NKAIN2: variants seen among roughly 807,000 people sequenced by gnomAD.
NKAIN2 encodes the protein sodium/potassium-transporting ATPase subunit beta-1-interacting protein 2.
In NKAIN2, 14 loss-of-function variants were observed where a neutral mutation model predicts 32.6. The observed-to-expected ratio is 0.43, with a 90% CI of 0.28 to 0.67. The LOEUF (loss-of-function observed/expected upper bound fraction) is 0.67. Among genes scored for constraint, NKAIN2 ranks in the 30% least tolerant of loss-of-function variants. NKAIN2 has a pLI of 0.17. For synonymous variants in NKAIN2, 80 were observed against 87.2 expected, an observed-to-expected ratio of 0.92 and a Z score of 0.46; for missense variants, 198 against 258.3, an observed-to-expected ratio of 0.77 and a Z score of 1.60.
At chr6:124,737,991 A>G (rs1777034319) in intron 4 of NKAIN2, among the ~76,000 whole-genome samples, 1 of 151,932 alleles carries the variant, frequency 6.6e-6, no homozygotes, top group African/African-American at 2.4e-5. Context: ...CTGATGATGC[A>G]ATAGCAAAGG....
At chr6:123,985,339 G>A (rs773999280) in intron 1 of NKAIN2, among the ~76,000 whole-genome samples, 2 of 152,172 alleles carry the variant, frequency 1.3e-5, no homozygotes, top group African/African-American at 4.8e-5. Context: ...GGCAGAGGTT[G>A]CAGTGAGCCA....
intron 1 of NKAIN2, among the ~76,000 whole-genome samples, chr6:124,028,877 A>C (rs62435609): frequency 2.0e-4 from 9 of 44,430 alleles, no homozygotes; most frequent in Non-Finnish European, 4.9e-4. Flanking sequence ...ACATATATGT[A>C]TATATATGTG....
chr6:124,571,150 C>A (rs1781112806), intron 3 of NKAIN2, among the ~76,000 whole-genome samples: 1 of 152,110 alleles, frequency 6.6e-6, no homozygotes, highest in Non-Finnish European at 1.5e-5. Flanking sequence ...ACCCGTACCG[C>A]CATTGTATCT....
chr6:124,817,861 C>G (rs1781234953), intron 5 of NKAIN2, among the ~76,000 whole-genome samples: 1 of 152,138 alleles, frequency 6.6e-6, no homozygotes, highest in Non-Finnish European at 1.5e-5. Context: ...TGGTAAACCA[C>G]ATTTGGCAGG....
At chr6:124,415,386 A>G (rs565347428) in intron 3 of NKAIN2, among the ~76,000 whole-genome samples, 49 of 152,340 alleles carry the variant, frequency 3.2e-4, no homozygotes, top group Non-Finnish European at 6.9e-4. Context: ...AAGGATACAG[A>G]TAAAGAGATG....
chr6:124,650,999 C>A (rs1784348661), intron 3 of NKAIN2, among the ~76,000 whole-genome samples: 1 of 152,054 alleles, frequency 6.6e-6, no homozygotes. Context: ...TTCCAAAATA[C>A]AATGGTGGGA....
chr6:123,864,090 C>T (rs1481582824), intron 1 of NKAIN2, among the ~76,000 whole-genome samples: 3 of 152,028 alleles, frequency 2.0e-5, no homozygotes, highest in East Asian at 1.9e-4. Flanking sequence ...TGCTTGCTTG[C>T]TTGTTTTGTT....
intron 3 of NKAIN2, among the ~76,000 whole-genome samples, chr6:124,410,831 T>A (rs1774134322): frequency 6.6e-6 from 1 of 152,160 alleles, no homozygotes; most frequent in Non-Finnish European, 1.5e-5. Context: ...GGAGTCTAAG[T>A]TTCTTTGTAG....
intron 2 of NKAIN2, among the ~76,000 whole-genome samples, chr6:124,346,362 G>C (rs1396645405): frequency 6.6e-6 from 1 of 152,156 alleles, no homozygotes; most frequent in Non-Finnish European, 1.5e-5. Flanking sequence ...GCTTGGTGCA[G>C]AGCTGAGTTC....
chr6:123,948,355 A>G (rs1270432443), intron 1 of NKAIN2, among the ~76,000 whole-genome samples: 1 of 152,016 alleles, frequency 6.6e-6, no homozygotes, highest in Non-Finnish European at 1.5e-5. Flanking sequence ...ACTCTTTTCC[A>G]TAATTGCTGT....
At chr6:123,890,823 C>T (rs1773971668) in intron 1 of NKAIN2, among the ~76,000 whole-genome samples, 1 of 151,958 alleles carries the variant, frequency 6.6e-6, no homozygotes, top group Non-Finnish European at 1.5e-5. Context: ...CAGCAATTCC[C>T]CTTCTAGATA....
chr6:124,726,797 T>C (rs1328567449), intron 4 of NKAIN2, among the ~76,000 whole-genome samples: 36 of 137,916 alleles, frequency 2.6e-4, no homozygotes, highest in South Asian at 1.0e-3. Context: ...GCAAAGAAGT[T>C]GAAAACTTTG....
intron 1 of NKAIN2, among the ~76,000 whole-genome samples, chr6:124,181,507 T>A (rs987927141): frequency 1.4e-4 from 21 of 152,196 alleles, no homozygotes; most frequent in Admixed American, 1.2e-3. Context: ...GCTTGCCTTT[T>A]AAACATAAGT....
chr6:124,130,691 CTTTG>C (rs929312168), intron 1 of NKAIN2, among the ~76,000 whole-genome samples: 1 of 150,842 alleles, frequency 6.6e-6, no homozygotes, highest in Admixed American at 6.6e-5. Context: ...CTCGTTTTCA[CTTTG>C]TTTGAATTAG....
At chr6:124,064,736 G>A (rs1040251010) in intron 1 of NKAIN2, among the ~76,000 whole-genome samples, 2 of 146,396 alleles carry the variant, frequency 1.4e-5, no homozygotes, top group African/African-American at 5.0e-5. Context: ...TTAACTATTA[G>A]CCACTAACAG....
At chr6:123,981,316 G>T (rs1778887455) in intron 1 of NKAIN2, among the ~76,000 whole-genome samples, 1 of 152,018 alleles carries the variant, frequency 6.6e-6, no homozygotes, top group South Asian at 2.1e-4. Context: ...TTTAATTTAT[G>T]TAAATAGTTT....
intron 1 of NKAIN2, among the ~76,000 whole-genome samples, chr6:123,815,378 A>G (rs975200465): frequency 2.6e-5 from 4 of 152,194 alleles, no homozygotes; most frequent in Non-Finnish European, 4.4e-5. Context: ...GTTAATTCAT[A>G]TAAGTTTAAT....
At chr6:124,282,652 A>C (rs1213078298) in intron 1 of NKAIN2, among the ~76,000 whole-genome samples, 1 of 152,176 alleles carries the variant, frequency 6.6e-6, no homozygotes, top group Non-Finnish European at 1.5e-5. Context: ...TCTAGCAACA[A>C]ACTCTTTATG....
At chr6:124,452,821 C>A (rs991051366) in intron 3 of NKAIN2, among the ~76,000 whole-genome samples, 7 of 152,178 alleles carry the variant, frequency 4.6e-5, no homozygotes, top group South Asian at 2.1e-4. Flanking sequence ...GAATTAATTG[C>A]GTATGTAAAT....
Sources: gnomAD v4.1 joint callset for allele counts (sites outside exome capture counted in the v4.1 genomes callset) on GRCh38, gnomAD v4.1.1 for gene constraint, MANE v1.5 for transcripts, NCBI Gene and HGNC (gene_info 2026-07-23, HGNC 2026-07-21) for gene names.